PHEX: variants seen among roughly 807,000 people sequenced by gnomAD.
PHEX encodes phosphate-regulating neutral endopeptidase PHEX.
In PHEX, 16 loss-of-function variants were observed where a neutral mutation model predicts 68.0. That is an observed-to-expected ratio of 0.24 (90% CI 0.16 to 0.36). The LOEUF (loss-of-function observed/expected upper bound fraction) is 0.36. Among genes scored for constraint, PHEX ranks in the 10% least tolerant of loss-of-function variants. The pLI is 1.00. For missense variants in PHEX, 480 were observed against 575.5 expected (o/e 0.83, Z 1.70); for synonymous variants, 208 against 205.1 (o/e 1.01, Z -0.12).
intron 9 of PHEX, among the ~76,000 whole-genome samples, chrX:22,106,533 G>A (rs1930696152): frequency 9.0e-6 from 1 of 111,392 alleles, no homozygotes; most frequent in Admixed American, 9.5e-5. Context: ...CAACTTGGGA[G>A]GCCGAGTTGG....
Position 22,054,139 on chromosome X carries a change from A to G in PHEX, c.349+6928A>G, listed in dbSNP as rs1456365274. On this transcript the variant is annotated intron_variant, in intron 3 of 21. Transcript: ENST00000379374. ...GTTCTTAATTTTTTAAAATTATTTT[A>G]TTATTATTTTTTGAGATGGAGTTTC... is the stretch of plus-strand genomic sequence containing the variant. Among the ~76,000 whole-genome samples, 5 of 111,418 alleles carry G rather than the reference A, an allele frequency of 4.5e-5. No individual in the cohort carries two copies. The East Asian group carries it at 1.1e-3, about 25-fold the overall frequency.
At chrX:22,076,848 G>A (rs1349669792) in intron 4 of PHEX, among the ~76,000 whole-genome samples, 1 of 111,783 alleles carries the variant, frequency 8.9e-6, no homozygotes, top group African/African-American at 3.3e-5. Flanking sequence ...GAGAAATCCA[G>A]ATTCCCAGGC....
intron 3 of PHEX, among the ~76,000 whole-genome samples, chrX:22,049,182 C>T (rs1360266599): frequency 8.9e-6 from 1 of 111,746 alleles, no homozygotes; most frequent in African/African-American, 3.3e-5. Flanking sequence ...GATCTCGGCT[C>T]ACTGCAACCT....
At chrX:22,139,673 C>A (rs1172496501) in intron 12 of PHEX, among the ~76,000 whole-genome samples, 1 of 104,424 alleles carries the variant, frequency 9.6e-6, no homozygotes, top group Non-Finnish European at 1.9e-5. Context: ...TAGGTGTGTG[C>A]CCCCACATCC....
chrX:22,223,673 C>G (rs1935344170), intron 18 of PHEX, among the ~76,000 whole-genome samples: 1 of 103,265 alleles, frequency 9.7e-6, no homozygotes, highest in African/African-American at 3.5e-5. Context: ...TGTTGGAACC[C>G]TATAGTGAGA....
intron 11 of PHEX, 80 bp from the exon 12 acceptor site, chrX:22,133,443 A>G (rs773732536): frequency 9.7e-6 from 7 of 725,139 alleles, no homozygotes; most frequent in Middle Eastern, 2.9e-4. Context: ...GTCATTTCTC[A>G]TGCAAGCCAA....
chrX:22,082,962 A>G (rs976144466), intron 5 of PHEX, among the ~76,000 whole-genome samples: 1 of 112,180 alleles, frequency 8.9e-6, no homozygotes, highest in Admixed American at 9.5e-5. Context: ...AAACTATAGT[A>G]TAAGGCTGTA....
chrX:22,062,477 A>C (rs1017504309), intron 3 of PHEX, among the ~76,000 whole-genome samples: 1 of 111,787 alleles, frequency 8.9e-6, no homozygotes, highest in Non-Finnish European at 1.9e-5. Flanking sequence ...CAATGTAGAA[A>C]ACTTACCCAT....
At chrX:22,196,127 T>A (rs1231334397) in intron 15 of PHEX, among the ~76,000 whole-genome samples, 9 of 111,767 alleles carry the variant, frequency 8.1e-5, no homozygotes, top group Non-Finnish European at 1.1e-4. Context: ...AGCAGTGAGC[T>A]ATGATTATGC....
intron 15 of PHEX, among the ~76,000 whole-genome samples, chrX:22,206,578 A>G (rs1934718320): frequency 9.0e-6 from 1 of 111,502 alleles, no homozygotes; most frequent in South Asian, 3.8e-4. Context: ...AGTGGGTAGA[A>G]TAACATCCTG....
chrX:22,198,076 T>C lies in PHEX; in HGVS notation c.1645+7574T>C, dbSNP rs182325791. Reference sequence around the variant, plus strand: ...AATATGTAATATTAAATATTAATTATATCTAATATTAATATACATTTATAG... The same window carrying C: ...AATATGTAATATTAAATATTAATTACATCTAATATTAATATACATTTATAG... On this transcript the variant is annotated intron_variant, in intron 15 of 21. Coordinates refer to ENST00000379374, the MANE Select transcript of PHEX (RefSeq NM_000444.6). 0.017 allele frequency among the ~76,000 whole-genome samples: 1,738 copies of C among 103,801 alleles called. 68 individuals carry two copies. The East Asian group carries it at 0.2, about 12-fold the overall frequency. 90.1% of individuals were successfully genotyped at this position (103,801 alleles called of 115,157 possible). A position where few individuals can be genotyped will look rare whatever the true frequency, so the allele number is the denominator to read the frequency against.
chrX:22,106,182 T>A (rs1930677903), intron 9 of PHEX, among the ~76,000 whole-genome samples: 1 of 111,823 alleles, frequency 8.9e-6, no homozygotes, highest in Admixed American at 9.6e-5. Flanking sequence ...GATTCAGTCA[T>A]TATGGTTATA....
intron 12 of PHEX, among the ~76,000 whole-genome samples, chrX:22,147,068 C>A (rs1429653118): frequency 9.0e-6 from 1 of 110,551 alleles, no homozygotes; most frequent in Non-Finnish European, 1.9e-5. Flanking sequence ...GAGAGAGATG[C>A]CTCTTAAGAA....
At chrX:22,041,808 A>G (rs995341442) in intron 2 of PHEX, among the ~76,000 whole-genome samples, 1 of 111,309 alleles carries the variant, frequency 9.0e-6, no homozygotes, top group Non-Finnish European at 1.9e-5. Flanking sequence ...CACTTATTTC[A>G]TGAGTTTTAG....
chrX:22,184,618 T>C (rs1049123912), intron 14 of PHEX, among the ~76,000 whole-genome samples: 6 of 111,379 alleles, frequency 5.4e-5, no homozygotes, highest in African/African-American at 6.5e-5. Context: ...TATTTAGGGG[T>C]TGGTTCACAG....
chrX:22,057,141 T>C (rs1373435903), intron 3 of PHEX, among the ~76,000 whole-genome samples: 2 of 112,302 alleles, frequency 1.8e-5, no homozygotes, highest in Non-Finnish European at 3.8e-5. Context: ...TTTTTACTTA[T>C]TTAAATTTAG....
intron 15 of PHEX, among the ~76,000 whole-genome samples, chrX:22,206,809 G>A (rs1934726598): frequency 9.0e-6 from 1 of 111,479 alleles, no homozygotes; most frequent in Admixed American, 9.6e-5. Context: ...GGTCTGAGCT[G>A]TGGAATAATG....
Position 22,249,826 on chromosome X carries a change from A to G in PHEX, c.*1873A>G, listed in dbSNP as rs1195603054. 9.0e-6 allele frequency: 1 copy of G among 111,013 alleles called. No homozygotes were observed. Among genetic ancestry groups the G allele is most frequent in the African/African-American group, 3.3e-5 (1 of 30,366 alleles). The allele number at this position is 111,013 out of a possible 1,213,427, so 9.1% of individuals were successfully genotyped here. On this transcript the variant is annotated 3_prime_UTR_variant, in exon 22 of 22. Coordinates refer to ENST00000379374, the MANE Select transcript of PHEX (RefSeq NM_000444.6). ...TTCCTGGACTTGGGTGTTTAAAATC[A>G]GCTGAGGTTTATCATGCTTATATGA...
intron 13 of PHEX, chrX:22,171,798 A>G (rs1159817482): frequency 8.9e-6 from 1 of 112,173 alleles, no homozygotes; most frequent in East Asian, 2.8e-4. Context: ...GTAGATAAGG[A>G]CTGCTATAGG....
Sources: allele counts gnomAD v4.1 joint callset (sites outside exome capture counted in the v4.1 genomes callset), GRCh38; gene constraint gnomAD v4.1.1; transcripts MANE v1.5; gene names NCBI Gene and HGNC (gene_info 2026-07-23, HGNC 2026-07-21).